NXNL2: variants seen among roughly 807,000 people sequenced by gnomAD.
The protein encoded by NXNL2 is nucleoredoxin-like protein 2.
NXNL2 carries 7 observed loss-of-function variants against 11.1 expected under a neutral mutation model. The ratio of observed to expected loss-of-function variants is 0.63; its 90% CI spans 0.36 to 1.18. The LOEUF (loss-of-function observed/expected upper bound fraction) is 1.18. Ranked by LOEUF, NXNL2 falls within the 50% of genes most tolerant of loss-of-function variation. NXNL2 has a pLI of 0.02. For missense variants in NXNL2, 233 were observed against 217.7 expected, an observed-to-expected ratio of 1.07 and a Z score of -0.44; for synonymous variants, 109 against 101.8, an observed-to-expected ratio of 1.07 and a Z score of -0.42.
At chr9:88,564,667 C>T (rs552832312) in intron 1 of NXNL2, among the ~76,000 whole-genome samples, 4 of 152,320 alleles carry the variant, frequency 2.6e-5, no homozygotes, top group East Asian at 1.9e-4. Context: ...CCACTCGCCT[C>T]GGCCTCCCAA....
chr9:88,552,686 G>T (rs1829955461), intron 1 of NXNL2, among the ~76,000 whole-genome samples: 1 of 152,058 alleles, frequency 6.6e-6, no homozygotes, highest in Non-Finnish European at 1.5e-5. Flanking sequence ...AGCCAGGATG[G>T]TCTCAATCTC....
chr9:88,582,359 C>T (rs2097187166), intron 1 of NXNL2, among the ~76,000 whole-genome samples: 2 of 152,074 alleles, frequency 1.3e-5, no homozygotes, highest in African/African-American at 4.8e-5. Flanking sequence ...GTCCCAGCTA[C>T]TCGGGAGGCT....
intron 1 of NXNL2, among the ~76,000 whole-genome samples, chr9:88,554,002 C>A (rs189252385): frequency 5.9e-5 from 9 of 152,190 alleles, no homozygotes; most frequent in Admixed American, 5.9e-4. Flanking sequence ...TTAATTAATT[C>A]ATCCATTCAT....
chr9:88,536,539 G>A (rs751206009), intron 1 of NXNL2, among the ~76,000 whole-genome samples: 2 of 152,094 alleles, frequency 1.3e-5, no homozygotes, highest in Non-Finnish European at 2.9e-5. Context: ...CAAGTATGTT[G>A]TCCTGGCCAC....
chr9:88,566,912 A>G (rs1000765787), intron 1 of NXNL2, among the ~76,000 whole-genome samples: 1 of 151,244 alleles, frequency 6.6e-6, no homozygotes. Context: ...TCTATCATCT[A>G]TCTATCTATC....
At chr9:88,558,141 T>G (rs1427873815) in intron 1 of NXNL2, among the ~76,000 whole-genome samples, 1 of 152,160 alleles carries the variant, frequency 6.6e-6, no homozygotes, top group Non-Finnish European at 1.5e-5. Flanking sequence ...GAACCAACCA[T>G]GTGGTCAGAG....
intron 2 of NXNL2, among the ~76,000 whole-genome samples, chr9:88,572,856 C>T (rs1377486664): frequency 1.3e-5 from 2 of 152,184 alleles, no homozygotes; most frequent in African/African-American, 4.8e-5. Flanking sequence ...CACGTGTGGC[C>T]GGGATGTGCT....
chr9:88,540,973 T>G (rs1829746545), intron 1 of NXNL2, among the ~76,000 whole-genome samples: 1 of 121,388 alleles, frequency 8.2e-6, no homozygotes. Context: ...GGAGCTAGGG[T>G]CTTGCACCAT....
At chr9:88,558,500 C>G (rs1830046683) in intron 1 of NXNL2, among the ~76,000 whole-genome samples, 1 of 152,082 alleles carries the variant, frequency 6.6e-6, no homozygotes, top group African/African-American at 2.4e-5. Context: ...CTGTGAGCTC[C>G]TGTAGCAAAT....
chr9:88,583,911 C>G (rs28696307), intron 1 of NXNL2: 13,948 of 152,138 alleles, frequency 0.092, 2,052 homozygotes, highest in African/African-American at 0.31. Flanking sequence ...CAGCTGACAC[C>G]TTGATGTGGA....
At chr9:88,571,206 C>T (rs1224374451) in exon 2 of NXNL2, 2 of 267,620 alleles carry the variant, frequency 7.5e-6, no homozygotes, top group Non-Finnish European at 1.5e-5. Flanking sequence ...TCTGGGACTA[C>T]AGGTGCGTGC....
intron 2 of NXNL2, among the ~76,000 whole-genome samples, chr9:88,574,175 C>T (rs1830314658): frequency 6.6e-6 from 1 of 152,172 alleles, no homozygotes; most frequent in Admixed American, 6.5e-5. Flanking sequence ...CACAAATGTT[C>T]ATAGCAGTAT....
rs192741125 is a variant in NXNL2, at chr9:88,543,908, G to A, written c.303-471G>A. On this transcript the variant is annotated intron_variant, in intron 1 of 1. Transcript: ENST00000375854. Reference sequence around the variant, plus strand: ...ACCAAGGCTGGGCGTGGTGGCTAACGCCTGTAATCCCAGCATTTTGGGAGG... The same window carrying A: ...ACCAAGGCTGGGCGTGGTGGCTAACACCTGTAATCCCAGCATTTTGGGAGG... Among the ~76,000 whole-genome samples the A allele has an allele frequency of 2.6e-5, 4 of 152,284 alleles. No homozygotes were observed. In the East Asian group the frequency reaches 7.7e-4, roughly 29 times the overall value.
chr9:88,551,100 C>A (rs1829924976), intron 1 of NXNL2, among the ~76,000 whole-genome samples: 1 of 152,180 alleles, frequency 6.6e-6, no homozygotes, highest in Admixed American at 6.5e-5. Flanking sequence ...CAGAACTTGT[C>A]AGATATTCTC....
chr9:88,535,459 C>A lies in NXNL2; in HGVS notation c.25C>A (p.His9Asn), dbSNP rs1405722862. The A allele has an allele frequency of 6.2e-7, 1 of 1,604,874 alleles. No homozygotes were observed. Among genetic ancestry groups the A allele is most frequent in the South Asian group, 1.1e-5 (1 of 90,586 alleles). Residue 9 changes from histidine to asparagine, a missense_variant, in exon 1 of 2, where the codon CAC becomes AAC. By Grantham distance (68) the His-to-Asn change is moderately conservative (BLOSUM62 1). Coordinates refer to ENST00000375854, the MANE Select transcript of NXNL2 (RefSeq NM_001161625.2). Reference sequence around the variant, plus strand: ...CATGGTTGACATTCTGGGCGAGCGGCACCTGGTGACCTGTAAGGGCGCGAC... The same window carrying A: ...CATGGTTGACATTCTGGGCGAGCGGAACCTGGTGACCTGTAAGGGCGCGAC... Reference protein sequence around the residue: MVDILGERHLVTCKGATVE... With the variant: MVDILGERNLVTCKGATVE...
At chr9:88,540,864 G>T (rs528842680) in intron 1 of NXNL2, among the ~76,000 whole-genome samples, 6 of 149,560 alleles carry the variant, frequency 4.0e-5, no homozygotes, top group Non-Finnish European at 8.9e-5. Flanking sequence ...CTGGGCCTGT[G>T]TAATGACCAG....
At chr9:88,545,394 G>C (rs189474474), downstream of NXNL2, among the ~76,000 whole-genome samples, 1 of 152,184 alleles carries the variant, frequency 6.6e-6, no homozygotes, top group South Asian at 2.1e-4. Context: ...TGAAAATACC[G>C]ATACCCATCT....
At chr9:88,581,141 T>C (rs1830404608) in intron 1 of NXNL2, among the ~76,000 whole-genome samples, 1 of 152,204 alleles carries the variant, frequency 6.6e-6, no homozygotes, top group African/African-American at 2.4e-5. Context: ...TGTATCTCCA[T>C]ACCGGCCTTT....
chr9:88,554,027 T>A (rs1292599956), intron 1 of NXNL2, among the ~76,000 whole-genome samples: 5 of 152,166 alleles, frequency 3.3e-5, no homozygotes, highest in South Asian at 4.2e-4. Flanking sequence ...TCAACAGGCG[T>A]TTGGTTCTTC....
Sources: allele counts gnomAD v4.1 joint callset (sites outside exome capture counted in the v4.1 genomes callset), GRCh38; gene constraint gnomAD v4.1.1; transcripts MANE v1.5; gene names NCBI Gene and HGNC (gene_info 2026-07-23, HGNC 2026-07-21).